The following NRG3 variants were observed in gnomAD, a reference collection of about 807,000 sequenced individuals.
The protein encoded by NRG3 is pro-neuregulin-3, membrane-bound isoform.
A neutral mutation model predicts 66.9 loss-of-function variants in NRG3; 31 were observed. The observed-to-expected ratio is 0.46, with a 90% CI of 0.35 to 0.63. The LOEUF (loss-of-function observed/expected upper bound fraction) is 0.63. Among genes scored for constraint, NRG3 ranks in the 20% least tolerant of loss-of-function variants. NRG3 has a pLI of 0.00. For missense variants in NRG3, 910 were observed against 878.9 expected, an observed-to-expected ratio of 1.04 and a Z score of -0.45; for synonymous variants, 393 against 359.4, an observed-to-expected ratio of 1.09 and a Z score of -1.06.
intron 2 of NRG3, among the ~76,000 whole-genome samples, chr10:82,477,550 CTGAGTA>C (rs1816414351): frequency 6.6e-6 from 1 of 152,114 alleles, no homozygotes; most frequent in Non-Finnish European, 1.5e-5. Context: ...AGAGAATTAG[CTGAGTA>C]TAACACAAAA....
chr10:81,933,963 G>C (rs1005140924), intron 1 of NRG3, among the ~76,000 whole-genome samples: 6 of 152,148 alleles, frequency 3.9e-5, no homozygotes, highest in Non-Finnish European at 8.8e-5. Context: ...GAAATTAAAG[G>C]AATGATTTCT....
chr10:82,206,533 G>T (rs12255352), intron 1 of NRG3, among the ~76,000 whole-genome samples: 3 of 152,262 alleles, frequency 2.0e-5, no homozygotes, highest in African/African-American at 4.8e-5. Context: ...TCTTGAGATA[G>T]ATTTCTCTTG....
intron 2 of NRG3, among the ~76,000 whole-genome samples, chr10:82,443,417 A>G (rs111365886): frequency 1.4e-3 from 219 of 152,352 alleles, no homozygotes; most frequent in African/African-American, 4.9e-3. Context: ...TTTGGGCGCT[A>G]GACATGTGGA....
At chr10:82,442,891 A>C (rs2080518389) in intron 2 of NRG3, among the ~76,000 whole-genome samples, 1 of 140,726 alleles carries the variant, frequency 7.1e-6, no homozygotes. Flanking sequence ...CTGTTATGCC[A>C]GCTGGTTTTT....
At chr10:82,170,775 A>C (rs2072544163) in intron 1 of NRG3, among the ~76,000 whole-genome samples, 1 of 148,276 alleles carries the variant, frequency 6.7e-6, no homozygotes, top group African/African-American at 2.5e-5. Context: ...CTTTTTCAAA[A>C]TTGCCATTCG....
At chr10:82,426,597 A>AATTATTATT (rs142603787) in intron 2 of NRG3, among the ~76,000 whole-genome samples, 2 of 132,602 alleles carry the variant, frequency 1.5e-5, no homozygotes, top group Non-Finnish European at 3.2e-5. Flanking sequence ...TCCTCAATGG[A>AATTATTATT]ATTATTATTA....
At chr10:82,503,479 G>C (rs1025377401) in intron 2 of NRG3, among the ~76,000 whole-genome samples, 11 of 152,166 alleles carry the variant, frequency 7.2e-5, no homozygotes, top group African/African-American at 2.2e-4. Flanking sequence ...GTCAGTTTCT[G>C]TCTGCTATGG....
intron 3 of NRG3, among the ~76,000 whole-genome samples, chr10:82,755,816 C>T (rs968354410): frequency 6.6e-6 from 1 of 152,082 alleles, no homozygotes; most frequent in Non-Finnish European, 1.5e-5. Flanking sequence ...CCTAGGTACA[C>T]CATCTACTTC....
At chr10:82,196,621 G>T (rs1018712951) in intron 1 of NRG3, among the ~76,000 whole-genome samples, 2 of 152,150 alleles carry the variant, frequency 1.3e-5, no homozygotes, top group Non-Finnish European at 2.9e-5. Context: ...TTTCCACTGT[G>T]TGTGCAAATA....
intron 2 of NRG3, among the ~76,000 whole-genome samples, chr10:82,468,551 G>A (rs1014737040): frequency 2.0e-5 from 3 of 152,210 alleles, no homozygotes; most frequent in Admixed American, 6.5e-5. Flanking sequence ...CAGCATTGAG[G>A]AGAGATTTCT....
chr10:82,985,740 A>C lies in NRG3; in HGVS notation c.*135A>C. ...CCAAATAGTCTATCGCCCTCATATC[A>C]TAGTGTTTTTTAACAAAATATTTTT... On this transcript the variant is annotated 3_prime_UTR_variant, in exon 9 of 9. Coordinates refer to ENST00000372141, the MANE Select transcript of NRG3 (RefSeq NM_001010848.4). The C allele has an allele frequency of 3.2e-6, 3 of 945,910 alleles. No homozygotes were observed. Among genetic ancestry groups the C allele is most frequent in the Non-Finnish European group, 4.7e-6 (3 of 639,282 alleles). The allele number at this position is 945,910 out of a possible 1,614,324, so 58.6% of individuals were successfully genotyped here. A position where few individuals can be genotyped will look rare whatever the true frequency, so the allele number is the denominator to read the frequency against.
At chr10:82,379,599 TAATA>T (rs1261054827) in intron 2 of NRG3, among the ~76,000 whole-genome samples, 2 of 152,198 alleles carry the variant, frequency 1.3e-5, no homozygotes, top group Non-Finnish European at 2.9e-5. Flanking sequence ...ACATGGAGTA[TAATA>T]AATATTCACT....
chr10:81,919,712 T>G (rs544515864), intron 1 of NRG3, among the ~76,000 whole-genome samples: 1 of 152,226 alleles, frequency 6.6e-6, no homozygotes, highest in Non-Finnish European at 1.5e-5. Context: ...GAGGAGATTT[T>G]GGGACACCAA....
chr10:82,248,802 A>G (rs1382248474), intron 1 of NRG3, among the ~76,000 whole-genome samples: 1 of 152,190 alleles, frequency 6.6e-6, no homozygotes, highest in African/African-American at 2.4e-5. Context: ...AGCTTAGTTT[A>G]TGTTACTAAG....
In NRG3 at chr10:82,703,928, T is replaced by C. The variant is rs184050964; in HGVS notation, c.954-34649T>C. On this transcript the variant is annotated intron_variant, in intron 2 of 8. Transcript: ENST00000372141. ...CATCGGGGAAGCATATTTATCTGAG[T>C]ATCAGATAAGCTACCTTTTAATTTT... is the stretch of plus-strand genomic sequence containing the variant. Among the ~76,000 whole-genome samples the C allele has an allele frequency of 1.2e-3, 176 of 152,238 alleles. No individual in the cohort carries two copies. In the Middle Eastern group the frequency reaches 0.017, roughly 15 times the overall value.
At chr10:82,979,421 T>TA (rs1852618182) in intron 8 of NRG3, among the ~76,000 whole-genome samples, 1 of 152,174 alleles carries the variant, frequency 6.6e-6, no homozygotes, top group Non-Finnish European at 1.5e-5. Flanking sequence ...GTCTTTGATT[T>TA]AAAAAATCAA....
intron 2 of NRG3, among the ~76,000 whole-genome samples, chr10:82,475,329 A>G (rs964852343): frequency 1.3e-5 from 2 of 152,096 alleles, no homozygotes; most frequent in African/African-American, 2.4e-5. Context: ...TATAAACAAT[A>G]TAACCAACAA....
chr10:82,120,333 G>C (rs1162100440), intron 1 of NRG3, among the ~76,000 whole-genome samples: 2 of 151,842 alleles, frequency 1.3e-5, no homozygotes, highest in Non-Finnish European at 2.9e-5. Context: ...TACTGGAGTT[G>C]GTCTAAATTT....
At chr10:82,945,525 A>C (rs1044238837) in intron 4 of NRG3, among the ~76,000 whole-genome samples, 6 of 152,204 alleles carry the variant, frequency 3.9e-5, no homozygotes, top group African/African-American at 1.4e-4. Context: ...TAGCGCCAGC[A>C]TCTGGTGAGG....
Sources: allele counts gnomAD v4.1 joint callset (sites outside exome capture counted in the v4.1 genomes callset), GRCh38; gene constraint gnomAD v4.1.1; transcripts MANE v1.5; gene names NCBI Gene and HGNC (gene_info 2026-07-23, HGNC 2026-07-21).